Variants in SCLT1 observed in about 807,000 individuals in gnomAD.
The protein encoded by SCLT1 is sodium channel-associated protein 1.
A neutral mutation model predicts 112.8 loss-of-function variants in SCLT1; 78 were observed. The ratio of observed to expected loss-of-function variants is 0.69; its 90% CI spans 0.58 to 0.83. The LOEUF is 0.83. SCLT1 is among the 40% of genes least tolerant of loss of function. The pLI is 0.00. For synonymous variants in SCLT1, 257 were observed against 254.7 expected, an observed-to-expected ratio of 1.01 and a Z score of -0.09; for missense variants, 747 against 770.4, an observed-to-expected ratio of 0.97 and a Z score of 0.36.
chr4:128,936,324 C>T lies in SCLT1; in HGVS notation c.1829+331G>A, dbSNP rs146546938. Reference sequence around the variant, plus strand: ...ATTCAACACAAAATCTCAAGTTCATCTGAGGAAGGGTCAGAGAATTTTTTT... The same window carrying T: ...ATTCAACACAAAATCTCAAGTTCATTTGAGGAAGGGTCAGAGAATTTTTTT... On this transcript the variant is annotated intron_variant, in intron 18 of 20. Coordinates refer to ENST00000281142, the MANE Select transcript of SCLT1 (RefSeq NM_144643.4). Among the ~76,000 whole-genome samples the T allele has an allele frequency of 4.0e-3, 612 of 152,204 alleles. 3 individuals are homozygous for T. Among genetic ancestry groups the T allele is most frequent in the African/African-American group, 0.014 (566 of 41,542 alleles).
chr4:128,951,469 T>C (rs921091043), intron 14 of SCLT1, among the ~76,000 whole-genome samples: 19 of 152,158 alleles, frequency 1.2e-4, no homozygotes, highest in African/African-American at 4.1e-4. Flanking sequence ...GAGTTTAATA[T>C]AGCTCTGGTT....
At position 128,873,655 on chromosome 4, in the gene SCLT1, G is replaced by A. The variant is rs1224618626; in HGVS notation, n.408-412C>T. On this transcript the variant is annotated intron_variant and non_coding_transcript_variant, in intron 5 of 7. Transcript: ENST00000503565. Reference sequence around the variant, plus strand: ...TGTGAATCAAACTTAAGGAAGGAACGTTTAAATAGCAATGAGATACAGAAT... The same window carrying A: ...TGTGAATCAAACTTAAGGAAGGAACATTTAAATAGCAATGAGATACAGAAT... 3 of 152,270 alleles carry A rather than the reference G, an allele frequency of 2.0e-5. No individual in the cohort carries two copies. The East Asian group carries it at 5.8e-4, about 29-fold the overall frequency. 9.4% of individuals were successfully genotyped at this position (152,270 alleles called of 1,614,324 possible).
Position 128,965,329 on chromosome 4 carries a change from A to C in SCLT1, c.778-11T>G, listed in dbSNP as rs925394864. ...CACCACATCCTTCTCCTAGAAAATAAAGAAACTAGAAGCTTACTTTGAGTA... is the reference window on the plus strand; with the variant it reads ...CACCACATCCTTCTCCTAGAAAATACAGAAACTAGAAGCTTACTTTGAGTA... On this transcript the variant is annotated splice_polypyrimidine_tract_variant and intron_variant, in intron 10 of 20. Transcript: ENST00000281142. 3 of 1,530,480 alleles carry C rather than the reference A, an allele frequency of 2.0e-6. No individual in the cohort carries two copies. The highest frequency in any genetic ancestry group is 9.0e-7 in the Non-Finnish European group (1 of 1,106,024). 94.8% of individuals were successfully genotyped at this position (1,530,480 alleles called of 1,614,324 possible). A position where few individuals can be genotyped will look rare whatever the true frequency, so the allele number is the denominator to read the frequency against.
Position 128,959,631 on chromosome 4 carries a change from A to G in SCLT1, c.1016T>C (p.Leu339Pro), listed in dbSNP as rs759533464. ...TTTTTGAAGGTTAGCTTCTTCTAAG[A>G]GTTGCATGCTATTTCTGGCTCTTAC... Reference protein sequence around the residue: ...AIVRARNSMQLLEEANLQKSQ... With the variant: ...AIVRARNSMQPLEEANLQKSQ... The change falls in exon 12 of 21, where the codon CTC becomes CCC. Residue 339 changes from leucine (L) to proline (P), a missense_variant. Coordinates refer to ENST00000281142, the MANE Select transcript of SCLT1 (RefSeq NM_144643.4). 10 of 1,613,402 alleles carry G rather than the reference A, an allele frequency of 6.2e-6. No homozygotes were observed. The highest frequency in any genetic ancestry group is 8.5e-6 in the Non-Finnish European group (10 of 1,179,690).
chr4:128,983,170 G>A (rs895593436), intron 9 of SCLT1, among the ~76,000 whole-genome samples: 1 of 152,226 alleles, frequency 6.6e-6, no homozygotes, highest in Non-Finnish European at 1.5e-5. Flanking sequence ...TTACAGGCGT[G>A]AGCCACTGCG....
At chr4:129,002,407 A>G (rs1369309631) in intron 6 of SCLT1, among the ~76,000 whole-genome samples, 2 of 152,114 alleles carry the variant, frequency 1.3e-5, no homozygotes, top group Non-Finnish European at 2.9e-5. Flanking sequence ...AGAGAAAAAG[A>G]AAAAGTATAA....
At chr4:129,024,162 C>A (rs1056650880) in intron 5 of SCLT1, among the ~76,000 whole-genome samples, 3 of 152,214 alleles carry the variant, frequency 2.0e-5, no homozygotes, top group South Asian at 2.1e-4. Context: ...TTAAATGTCC[C>A]TGTCTGACAG....
intron 18 of SCLT1, among the ~76,000 whole-genome samples, chr4:128,914,475 G>A (rs914024739): frequency 5.9e-5 from 9 of 152,254 alleles, no homozygotes; most frequent in South Asian, 2.1e-4. Context: ...GAAGTGATGA[G>A]AAATGAGATT....
At chr4:129,044,232 C>A (rs1270163351) in intron 2 of SCLT1, among the ~76,000 whole-genome samples, 181 bp from the exon 3 acceptor site, 1 of 151,712 alleles carries the variant, frequency 6.6e-6, no homozygotes, top group East Asian at 1.9e-4. Context: ...AAATTTAATA[C>A]CCATGCACAA....
intron 15 of SCLT1, among the ~76,000 whole-genome samples, chr4:128,947,420 G>A (rs1271004286): frequency 1.3e-5 from 2 of 151,896 alleles, no homozygotes; most frequent in African/African-American, 4.8e-5. Context: ...TTTCACAAAT[G>A]GAATTGTACA....
At chr4:129,005,800 A>C (rs1259903126) in intron 5 of SCLT1, among the ~76,000 whole-genome samples, 2 of 150,692 alleles carry the variant, frequency 1.3e-5, no homozygotes, top group East Asian at 1.9e-4. Context: ...GATTAAGAAA[A>C]TGTGGCACAT....
At chr4:128,969,257 C>G (rs1371018138) in intron 10 of SCLT1, among the ~76,000 whole-genome samples, 1 of 152,088 alleles carries the variant, frequency 6.6e-6, no homozygotes, top group East Asian at 1.9e-4. Context: ...GTTTCTCTTG[C>G]TGCCAGTATT....
chr4:128,941,706 G>A (rs958494540), intron 17 of SCLT1, among the ~76,000 whole-genome samples: 1 of 151,968 alleles, frequency 6.6e-6, no homozygotes, highest in East Asian at 1.9e-4. Flanking sequence ...ACCATGGTTA[G>A]TGTTTTTTTG....
intron 19 of SCLT1, among the ~76,000 whole-genome samples, chr4:128,890,237 C>A (rs1053304864): frequency 2.6e-5 from 4 of 152,244 alleles, no homozygotes; most frequent in East Asian, 3.9e-4. Flanking sequence ...CTAGTATATG[C>A]AACTGTTCCT....
chr4:129,042,616 G>A (rs1747796974), intron 4 of SCLT1, among the ~76,000 whole-genome samples: 1 of 152,156 alleles, frequency 6.6e-6, no homozygotes, highest in Non-Finnish European at 1.5e-5. Flanking sequence ...CAAGAGCAAG[G>A]AAACACTGAA....
intron 2 of SCLT1, among the ~76,000 whole-genome samples, chr4:129,065,845 T>C (rs1402995253): frequency 6.6e-6 from 1 of 152,118 alleles, no homozygotes; most frequent in African/African-American, 2.4e-5. Context: ...TTATTTTCTT[T>C]CCAGTTGTAG....
chr4:128,920,937 T>A (rs917448008), intron 18 of SCLT1, among the ~76,000 whole-genome samples: 2 of 152,176 alleles, frequency 1.3e-5, no homozygotes, highest in African/African-American at 4.8e-5. Flanking sequence ...CACAAGCTCT[T>A]AGATCTGATA....
chr4:128,920,704 T>C (rs1305461248), intron 18 of SCLT1, among the ~76,000 whole-genome samples: 3 of 152,154 alleles, frequency 2.0e-5, no homozygotes, highest in Non-Finnish European at 2.9e-5. Flanking sequence ...ACAGATAACA[T>C]TGTAATGAAT....
chr4:129,045,087 A>T (rs1244588183), intron 2 of SCLT1, among the ~76,000 whole-genome samples: 1 of 152,086 alleles, frequency 6.6e-6, no homozygotes, highest in Non-Finnish European at 1.5e-5. Flanking sequence ...CTGCTAGCAC[A>T]TACTAAATGG....
Sources: gnomAD v4.1 joint callset for allele counts (sites outside exome capture counted in the v4.1 genomes callset) on GRCh38, gnomAD v4.1.1 for gene constraint, MANE v1.5 for transcripts, NCBI Gene and HGNC (gene_info 2026-07-23, HGNC 2026-07-21) for gene names.